The following RS1 variants were observed in gnomAD, a reference collection of about 807,000 sequenced individuals.
The protein encoded by RS1 is retinoschisin 1.
RS1 carries 2 observed loss-of-function variants against 20.8 expected under a neutral mutation model. The ratio of observed to expected loss-of-function variants is 0.10; its 90% CI spans 0.04 to 0.30. The LOEUF is 0.30. Among genes scored for constraint, RS1 ranks in the 10% least tolerant of loss-of-function variants. The pLI is 1.00. For missense variants in RS1, 151 were observed against 189.8 expected (o/e 0.80, Z 1.20); for synonymous variants, 70 against 75.8 (o/e 0.92, Z 0.40).
intron 4 of RS1, 26 bp from the exon 5 acceptor site, chrX:18,644,651 A>G (rs751121023): frequency 8.3e-7 from 1 of 1,197,619 alleles, no homozygotes; most frequent in East Asian, 3.0e-5. Context: ...CGAGTCACCG[A>G]GAGACTCCCC....
intron 3 of RS1, chrX:18,653,433 G>A (rs775556155): frequency 8.3e-7 from 1 of 1,209,122 alleles, no homozygotes; most frequent in African/African-American, 1.8e-5. Flanking sequence ...GCTTTCCAGG[G>A]TTCTCTTTCT....
chrX:18,648,959 G>GCC (rs1375888763), intron 3 of RS1, among the ~76,000 whole-genome samples: 1 of 106,423 alleles, frequency 9.4e-6, no homozygotes, highest in African/African-American at 3.4e-5. Flanking sequence ...GAGGGAGGAG[G>GCC]ATTGCTTGAG....
chrX:18,646,061 G>A lies in RS1; in HGVS notation c.326+1130C>T, dbSNP rs1487927674. On this transcript the variant is annotated intron_variant, in intron 4 of 5. Coordinates refer to ENST00000379984, the MANE Select transcript of RS1 (RefSeq NM_000330.4). ...CACCATTCTGGACCCCAAGATAGAC[G>A]CTTCATGTTAAGGACGACAGAACAA... 9.1e-6 allele frequency: 11 copies of A among 1,210,114 alleles called. No individual in the cohort carries two copies. The highest frequency in any genetic ancestry group is 3.0e-5 in the East Asian group (1 of 33,778).
chrX:18,644,359 G>A lies in RS1; in HGVS notation c.522+71C>T, dbSNP rs192929233. The A allele has an allele frequency of 2.3e-5, 23 of 992,322 alleles. No homozygotes were observed. The African/African-American group carries it at 4.2e-4, about 18-fold the overall frequency. The allele number at this position is 992,322 out of a possible 1,213,427, so 81.8% of individuals were successfully genotyped here. On this transcript the variant is annotated intron_variant, in intron 5 of 5. Transcript: ENST00000379984. The stretch of plus-strand genomic sequence containing the variant: ...GGTGCTCTGACAGAGGGCAGTGACA[G>A]GAGCTCGGGGACAGGAGGGGAAGTC...
In RS1 at chrX:18,647,339, A is replaced by G. The variant is rs2147194244; in HGVS notation, c.185-7T>C. ...GGCTTGTGATATGGGCATTCTGGGA[A>G]AGGAAAAAGAATTCACATTCACACA... On this transcript the variant is annotated splice_polypyrimidine_tract_variant and splice_region_variant and intron_variant, in intron 3 of 5. Coordinates refer to ENST00000379984, the MANE Select transcript of RS1 (RefSeq NM_000330.4). 2 of 1,209,665 alleles carry G rather than the reference A, an allele frequency of 1.7e-6. No homozygotes were observed. Among genetic ancestry groups the G allele is most frequent in the Non-Finnish European group, 2.2e-6 (2 of 894,321 alleles).
chrX:18,643,480 T>C (rs939080592), intron 5 of RS1, among the ~76,000 whole-genome samples: 5 of 112,042 alleles, frequency 4.5e-5, no homozygotes, highest in African/African-American at 1.6e-4. Context: ...AGTGCAGGGG[T>C]GAAGTGCCTC....
At position 18,641,849 on chromosome X, in the gene RS1, C is replaced by T. The variant is rs1333334695; in HGVS notation, c.*155G>A. On this transcript the variant is annotated 3_prime_UTR_variant, in exon 6 of 6. Transcript: ENST00000379984. ...TTTTTATTTCATTGAAATCAGAAAG[C>T]TATATCTTAAAAAAAAAAAAATTAT... The T allele has an allele frequency of 8.2e-6, 4 of 488,370 alleles. No individual in the cohort carries two copies. The East Asian group carries it at 1.5e-4, about 18-fold the overall frequency. 40.2% of individuals were successfully genotyped at this position (488,370 alleles called of 1,213,427 possible). A position where few individuals can be genotyped will look rare whatever the true frequency, so the allele number is the denominator to read the frequency against.
intron 1 of RS1, among the ~76,000 whole-genome samples, chrX:18,658,780 T>TTCATCATCATCATCA (rs35009798): frequency 1.9e-5 from 2 of 103,849 alleles, no homozygotes; most frequent in Non-Finnish European, 4.0e-5. Flanking sequence ...TTATTAAATC[T>TTCATCATCATCATCA]TCATCATCAT....
In RS1 at chrX:18,672,064, G is replaced by A; in HGVS notation, c.5C>T (p.Ser2Leu). M[S>L]RKIEGFLLLL... ...TAACAAAAAGCCTTCTATCTTGCGTGACATCTTCCCCTCGTCCTCGGCCAA... is the reference window on the plus strand; with the variant it reads ...TAACAAAAAGCCTTCTATCTTGCGTAACATCTTCCCCTCGTCCTCGGCCAA... The change falls in exon 1 of 6, where the codon TCA (serine) becomes TTA (leucine). Residue 2 changes from serine to leucine, a missense_variant. By Grantham distance (145) the Ser-to-Leu change is moderately radical. Transcript: ENST00000379984. 8.3e-7 allele frequency: 1 copy of A among 1,210,123 alleles called. No individual in the cohort carries two copies. The highest frequency in any genetic ancestry group is 1.1e-6 in the Non-Finnish European group (1 of 894,320).
At position 18,641,410 on chromosome X, in the gene RS1, T is replaced by A. The variant is rs150011364; in HGVS notation, c.*594A>T. On this transcript the variant is annotated 3_prime_UTR_variant, in exon 6 of 6. Transcript: ENST00000379984. ...TGTGAGCAGAGGAAACTCCCCTACC[T>A]TGGGCTTTTGGTCATTTGTCACGTA... 0.014 allele frequency: 1,648 copies of A among 114,807 alleles called. 37 individuals are homozygous for A. The highest frequency in any genetic ancestry group is 0.051 in the African/African-American group (1,549 of 30,533). The allele number at this position is 114,807 out of a possible 1,213,427, so 9.5% of individuals were successfully genotyped here.
At chrX:18,651,752 C>T (rs1033289888) in intron 3 of RS1, among the ~76,000 whole-genome samples, 18 of 112,059 alleles carry the variant, frequency 1.6e-4, no homozygotes, top group Admixed American at 7.5e-4. Flanking sequence ...TTTCTTCTAA[C>T]GTGGAAAAAT....
chrX:18,657,860 T>C (rs897905784), intron 1 of RS1, among the ~76,000 whole-genome samples, 195 bp from the exon 2 acceptor site: 1 of 111,846 alleles, frequency 8.9e-6, no homozygotes, highest in Non-Finnish European at 1.9e-5. Context: ...ACAGTAAAAT[T>C]AAACAGAAAG....
intron 1 of RS1, among the ~76,000 whole-genome samples, chrX:18,662,442 T>C (rs945578548): frequency 2.7e-5 from 3 of 110,907 alleles, no homozygotes; most frequent in Non-Finnish European, 5.7e-5. Context: ...CCTAATGCTA[T>C]CCCTCCCCGC....
intron 3 of RS1, among the ~76,000 whole-genome samples, chrX:18,648,661 G>T (rs1485325563): frequency 8.9e-6 from 1 of 112,028 alleles, no homozygotes; most frequent in African/African-American, 3.2e-5. Context: ...CATAACTTCT[G>T]ACCAGTGAGA....
In RS1 at chrX:18,655,010, C is replaced by CA. The variant is rs746543263; in HGVS notation, c.184+1642dup. Among the ~76,000 whole-genome samples, 86 of 87,232 alleles carry CA rather than the reference C, an allele frequency of 9.9e-4. 1 individual carries two copies. Among genetic ancestry groups the CA allele is most frequent in the Admixed American group, 9.2e-3 (74 of 8,046 alleles). The allele number at this position is 87,232 out of a possible 115,157, so 75.8% of individuals were successfully genotyped here. A position where few individuals can be genotyped will look rare whatever the true frequency, so the allele number is the denominator to read the frequency against. ...TACCATCATAACCCTGGAGAGGCAG[C>CA]AAGGCCGGTTTCATGCAAAACAAGC... On this transcript the variant is annotated intron_variant, in intron 3 of 5. Transcript: ENST00000379984.
chrX:18,641,862 A>C lies in RS1; in HGVS notation c.*142T>G. ...GAAATCAGAAAGCTATATCTTAAAAAAAAAAAAATTATCTACCCAGCACTG... is the reference window on the plus strand; with the variant it reads ...GAAATCAGAAAGCTATATCTTAAAACAAAAAAAATTATCTACCCAGCACTG... On this transcript the variant is annotated 3_prime_UTR_variant, in exon 6 of 6. Transcript: ENST00000379984. 1.7e-6 allele frequency: 1 copy of C among 597,022 alleles called. No homozygotes were observed. The highest frequency in any genetic ancestry group is 2.6e-6 in the Non-Finnish European group (1 of 385,728). The allele number at this position is 597,022 out of a possible 1,213,427, so 49.2% of individuals were successfully genotyped here.
intron 3 of RS1, chrX:18,650,092 C>T (rs1464654614): frequency 3.0e-6 from 1 of 338,313 alleles, no homozygotes; most frequent in Non-Finnish European, 5.3e-6. Flanking sequence ...TGCTCTTCTT[C>T]ATCTGTTTCC....
intron 3 of RS1, among the ~76,000 whole-genome samples, chrX:18,653,231 C>G (rs182464275): frequency 5.4e-4 from 60 of 112,060 alleles, no homozygotes; most frequent in South Asian, 1.5e-3. Context: ...CTATTTTTTG[C>G]TCTCAGAGTG....
At chrX:18,648,095 G>T (rs1432707699) in intron 3 of RS1, among the ~76,000 whole-genome samples, 1 of 111,076 alleles carries the variant, frequency 9.0e-6, no homozygotes, top group Admixed American at 9.5e-5. Context: ...CCAGCTACTC[G>T]GGAGGCTGAG....
Sources: gnomAD v4.1 joint callset for allele counts (sites outside exome capture counted in the v4.1 genomes callset) on GRCh38, gnomAD v4.1.1 for gene constraint, MANE v1.5 for transcripts, NCBI Gene and HGNC (gene_info 2026-07-23, HGNC 2026-07-21) for gene names.